DTL: variants seen among roughly 807,000 people sequenced by gnomAD.
DTL encodes the protein denticleless protein homolog.
Under a neutral mutation model 87.0 loss-of-function variants are expected in DTL, and 46 were observed. The observed-to-expected ratio is 0.53, with a 90% CI of 0.42 to 0.68. The LOEUF (loss-of-function observed/expected upper bound fraction) is 0.68, where lower values mean the gene tolerates loss of function less well. Among genes scored for constraint, DTL ranks in the 30% least tolerant of loss-of-function variants. DTL has a pLI of 0.00. For synonymous variants in DTL, 308 were observed against 311.2 expected, an observed-to-expected ratio of 0.99 and a Z score of 0.11; for missense variants, 737 against 869.4, an observed-to-expected ratio of 0.85 and a Z score of 1.91.
chr1:212,093,394 C>T (rs1396632337), intron 13 of DTL, among the ~76,000 whole-genome samples: 1 of 152,248 alleles, frequency 6.6e-6, no homozygotes, highest in Non-Finnish European at 1.5e-5. Context: ...AGAGGGCTTT[C>T]TGTATCCCGG....
intron 11 of DTL, among the ~76,000 whole-genome samples, chr1:212,073,406 T>G (rs1264239149): frequency 6.6e-6 from 1 of 152,238 alleles, no homozygotes; most frequent in Admixed American, 6.5e-5. Flanking sequence ...TAAAACTTCA[T>G]AGATCCCATA....
At chr1:212,041,810 TATTGC>T (rs2102525000) in intron 1 of DTL, among the ~76,000 whole-genome samples, 1 of 152,282 alleles carries the variant, frequency 6.6e-6, no homozygotes, top group Admixed American at 6.5e-5. Flanking sequence ...GCGCCCGGCC[TATTGC>T]ATTCTTTTAG....
chr1:212,086,405 G>T (rs1655130630), intron 13 of DTL, among the ~76,000 whole-genome samples: 1 of 152,132 alleles, frequency 6.6e-6, no homozygotes, highest in South Asian at 2.1e-4. Context: ...GACATTTCCA[G>T]TTATTTTTTG....
chr1:212,101,019 C>A lies in DTL; in HGVS notation c.2029C>A (p.Pro677Thr), dbSNP rs1655607295. 6.2e-7 allele frequency: 1 copy of A among 1,613,788 alleles called. No homozygotes were observed. The highest frequency in any genetic ancestry group is 1.3e-5 in the African/African-American group (1 of 74,898). ...CAAACGGAAGGCTGAGAATCCATCTCCACGAAGTCCGTCATCCCAGACACC... is the reference window on the plus strand; with the variant it reads ...CAAACGGAAGGCTGAGAATCCATCTACACGAAGTCCGTCATCCCAGACACC... Reference protein sequence around the residue: ...AAKRKAENPSPRSPSSQTPNS... With the variant: ...AAKRKAENPSTRSPSSQTPNS... Residue 677 changes from proline to threonine, a missense_variant, in exon 14 of 15, where the codon CCA becomes ACA. By Grantham distance (38) the Pro-to-Thr change is conservative (BLOSUM62 -1). Transcript: ENST00000366991.
chr1:212,060,365 T>C (rs557150245), intron 5 of DTL, among the ~76,000 whole-genome samples: 2 of 152,040 alleles, frequency 1.3e-5, no homozygotes, highest in South Asian at 2.1e-4. Flanking sequence ...GCCAAGAACC[T>C]ACAATAAACG....
At position 212,100,262 on chromosome 1, in the gene DTL, G is replaced by T; in HGVS notation, c.1272G>T (p.Thr424=). The T allele has an allele frequency of 6.4e-7, 1 of 1,555,564 alleles. No individual in the cohort carries two copies. The highest frequency in any genetic ancestry group is 8.7e-7 in the Non-Finnish European group (1 of 1,154,030). ...KESRPGLVTV[T]SSQSTPAKAP... Reference sequence around the variant, plus strand: ...TCTCCTCTTTTTCAGTAACAGTAACGAGTAGCCAGAGTACTCCTGCCAAAG... The same window carrying T: ...TCTCCTCTTTTTCAGTAACAGTAACTAGTAGCCAGAGTACTCCTGCCAAAG... The change falls in exon 14 of 15, where the codon ACG becomes ACT. Residue 424 remains threonine (T), a synonymous_variant. Transcript: ENST00000366991.
chr1:212,042,874 T>G, intron 1 of DTL, 119 bp from the exon 2 acceptor site: 1 of 923,736 alleles, frequency 1.1e-6, no homozygotes, highest in South Asian at 2.1e-5. Context: ...ATATTAATAG[T>G]AAGTGGATCT....
chr1:212,042,232 T>TTCAAACAAATGTCTGAAG (rs748613552), intron 1 of DTL, among the ~76,000 whole-genome samples: 8,539 of 152,202 alleles, frequency 0.056, 790 homozygotes, highest in East Asian at 0.47. Context: ...ATGTCTTTAC[T>TTCAAACAAATGTCTGAAG]ATGTAGGAGC....
chr1:212,070,530 A>G (rs2102556169), intron 10 of DTL, among the ~76,000 whole-genome samples: 1 of 151,780 alleles, frequency 6.6e-6, no homozygotes, highest in East Asian at 1.9e-4. Context: ...GGATTGTTTG[A>G]GCCTGGGAGG....
At chr1:212,071,841 A>C (rs1217591963) in intron 10 of DTL, among the ~76,000 whole-genome samples, 1 of 152,114 alleles carries the variant, frequency 6.6e-6, no homozygotes, top group East Asian at 1.9e-4. Context: ...TTTTCCCTCC[A>C]ATTTTTTTCT....
At chr1:212,096,341 T>C (rs1451468542) in intron 13 of DTL, among the ~76,000 whole-genome samples, 1 of 119,946 alleles carries the variant, frequency 8.3e-6, no homozygotes, top group Admixed American at 8.7e-5. Flanking sequence ...CATTTATCTT[T>C]TGTATTTTGT....
At chr1:212,081,809 ATCCCTGCAG>A (rs1411661919) in intron 13 of DTL, among the ~76,000 whole-genome samples, 1 of 152,222 alleles carries the variant, frequency 6.6e-6, no homozygotes, top group Non-Finnish European at 1.5e-5. Flanking sequence ...CTAGATAAAT[ATCCCTGCAG>A]GAAGAGCAAG....
chr1:212,062,749 AT>A (rs1246662715), intron 5 of DTL, 134 bp from the exon 6 acceptor site: 5 of 631,136 alleles, frequency 7.9e-6, no homozygotes, highest in East Asian at 2.8e-5. Context: ...TGAGCCATAT[AT>A]TTTTAAATGT....
intron 13 of DTL, among the ~76,000 whole-genome samples, chr1:212,082,910 C>T (rs151283565): frequency 1.3e-5 from 2 of 152,218 alleles, no homozygotes; most frequent in African/African-American, 4.8e-5. Context: ...TGTGTGTTTG[C>T]TATGCAAGTA....
chr1:212,052,126 A>G (rs1668003310), intron 5 of DTL: 3 of 677,844 alleles, frequency 4.4e-6, no homozygotes, highest in Non-Finnish European at 5.3e-6. Flanking sequence ...CTCTGCTTTC[A>G]TTGAGAACTC....
intron 5 of DTL, among the ~76,000 whole-genome samples, chr1:212,052,656 A>AAG (rs1274212819): frequency 1.3e-5 from 2 of 150,780 alleles, no homozygotes; most frequent in Non-Finnish European, 3.0e-5. Flanking sequence ...AAAAAAAAAA[A>AAG]AAAGAAATAT....
chr1:212,087,449 C>G (rs983404537), intron 13 of DTL, among the ~76,000 whole-genome samples: 1 of 151,978 alleles, frequency 6.6e-6, no homozygotes, highest in African/African-American at 2.4e-5. Flanking sequence ...ACTCGGGAGG[C>G]TGAGGCAGGA....
Position 212,050,120 on chromosome 1 carries a change from G to A in DTL, c.460+2703G>A, listed in dbSNP as rs182975124. On this transcript the variant is annotated intron_variant, in intron 5 of 14. Coordinates refer to ENST00000366991, the MANE Select transcript of DTL (RefSeq NM_016448.4). ...CAGGAGTTTGCAGCTGTAGTGAGCT[G>A]TGATTGTGCCATCATACTCTAGCCT... Among the ~76,000 whole-genome samples, 86 of 152,280 alleles carry A rather than the reference G, an allele frequency of 5.6e-4. 1 individual carries two copies. Among genetic ancestry groups the A allele is most frequent in the Admixed American group, 5.6e-3 (86 of 15,302 alleles).
intron 1 of DTL, among the ~76,000 whole-genome samples, chr1:212,039,581 T>C (rs1667578374): frequency 6.6e-6 from 1 of 152,206 alleles, no homozygotes; most frequent in African/African-American, 2.4e-5. Context: ...TCCAATTGCT[T>C]ATAAATGGAG....
Sources: gnomAD v4.1 joint callset for allele counts (sites outside exome capture counted in the v4.1 genomes callset) on GRCh38, gnomAD v4.1.1 for gene constraint, MANE v1.5 for transcripts, NCBI Gene and HGNC (gene_info 2026-07-23, HGNC 2026-07-21) for gene names.